The following SVOP variants were observed in gnomAD, a reference collection of about 807,000 sequenced individuals.
The protein encoded by SVOP is synaptic vesicle 2-related protein.
In SVOP, 17 loss-of-function variants were observed where a neutral mutation model predicts 69.1. That is an observed-to-expected ratio of 0.25 (90% confidence interval 0.17 to 0.37). The LOEUF is 0.37. Among genes scored for constraint, SVOP ranks in the 10% least tolerant of loss-of-function variants. The pLI, the probability that SVOP is intolerant of heterozygous loss-of-function variation, is 1.00. For missense variants in SVOP, 435 were observed against 597.5 expected (o/e 0.73, Z 2.84); for synonymous variants, 238 against 238.6 (o/e 1.00, Z 0.02).
intron 6 of SVOP, among the ~76,000 whole-genome samples, chr12:108,947,614 G>T (rs931962751): frequency 2.0e-5 from 3 of 152,048 alleles, no homozygotes; most frequent in African/African-American, 7.2e-5. Flanking sequence ...CAACTGCACT[G>T]GCTGCCTCTG....
Position 108,910,524 on chromosome 12 carries a change from G to C in SVOP, c.*2011C>G, listed in dbSNP as rs1178287817. On this transcript the variant is annotated 3_prime_UTR_variant, in exon 16 of 16. Coordinates refer to ENST00000610966, the MANE Select transcript of SVOP (RefSeq NM_018711.5). ...AATAATTAGAGCTACAGCCACACGT[G>C]GTTCAAGGAAATGTGGTTGTCAGAG... The C allele has an allele frequency of 1.3e-5, 2 of 152,214 alleles. No individual in the cohort carries two copies. Among genetic ancestry groups the C allele is most frequent in the Non-Finnish European group, 2.9e-5 (2 of 68,044 alleles). The allele number at this position is 152,214 out of a possible 1,614,324, so 9.4% of individuals were successfully genotyped here. A position where few individuals can be genotyped will look rare whatever the true frequency, so the allele number is the denominator to read the frequency against.
intron 1 of SVOP, among the ~76,000 whole-genome samples, chr12:108,998,389 A>C (rs2135618052): frequency 6.6e-6 from 1 of 152,268 alleles, no homozygotes; most frequent in Admixed American, 6.5e-5. Flanking sequence ...AACACTCTGC[A>C]GGATATTATC....
intron 10 of SVOP, 99 bp downstream of exon 10, chr12:108,937,165 C>A: frequency 8.0e-7 from 1 of 1,248,860 alleles, no homozygotes; most frequent in Non-Finnish European, 1.2e-6. Context: ...CAAACGCTGC[C>A]TGAAATCAAA....
intron 5 of SVOP, among the ~76,000 whole-genome samples, chr12:108,970,955 C>A (rs1415238891): frequency 1.3e-5 from 2 of 152,100 alleles, no homozygotes; most frequent in Admixed American, 6.6e-5. Context: ...AAGGTCAAGG[C>A]TGCAGTTAGC....
Position 108,960,906 on chromosome 12 carries a change from A to C in SVOP, c.578+17T>G. ...TGGGCAGCCTGGCTGCATAGCCAGC[A>C]CTGGGTATTTACTTACGACTGGGGA... is the stretch of plus-strand genomic sequence containing the variant. On this transcript the variant is annotated intron_variant, in intron 6 of 15. Transcript: ENST00000610966. The C allele has an allele frequency of 6.5e-7, 1 of 1,536,564 alleles. No individual in the cohort carries two copies. The highest frequency in any genetic ancestry group is 1.2e-5 in the South Asian group (1 of 83,990).
intron 6 of SVOP, among the ~76,000 whole-genome samples, chr12:108,951,088 T>C (rs554755532): frequency 8.5e-5 from 13 of 152,328 alleles, no homozygotes; most frequent in African/African-American, 2.6e-4. Flanking sequence ...GATCTCAGCC[T>C]GGCATTTTTG....
Position 108,919,780 on chromosome 12 carries a change from A to G in SVOP, c.1163T>C (p.Leu388Pro), listed in dbSNP as rs753233567. ...GCGGTCAATAATCCACAGAGTCACA[A>G]GGACACCTGGAAGGGGAGTGGGGAG... ...WTTLSEFPGVLVTLWIIDRLG... is the reference protein window; with the variant it reads ...WTTLSEFPGVPVTLWIIDRLG... The change falls in exon 13 of 16, where the codon CTT becomes CCT. Residue 388 changes from leucine (L) to proline (P), a missense_variant. Coordinates refer to ENST00000610966, the MANE Select transcript of SVOP (RefSeq NM_018711.5). The G allele has an allele frequency of 6.3e-7, 1 of 1,592,726 alleles. No individual in the cohort carries two copies. Among genetic ancestry groups the G allele is most frequent in the Non-Finnish European group, 8.6e-7 (1 of 1,169,526 alleles).
chr12:108,970,712 T>C (rs1357418215), intron 5 of SVOP, among the ~76,000 whole-genome samples: 2 of 152,186 alleles, frequency 1.3e-5, no homozygotes, highest in African/African-American at 4.8e-5. Context: ...GTGCCTAGCA[T>C]GTGCCTGGCA....
At chr12:108,989,340 G>C (rs2040185512) in intron 1 of SVOP, among the ~76,000 whole-genome samples, 1 of 152,188 alleles carries the variant, frequency 6.6e-6, no homozygotes, top group Non-Finnish European at 1.5e-5. Context: ...CTCCCGAAGT[G>C]CTGGGATTAG....
rs748936565 is a variant in SVOP at position 108,978,786 on chromosome 12, C to T, written c.197-123G>A. ...AACACAGCACATGCTGCTTTTAGAA[C>T]TTATCCTAGAAAAATATTCCAGTGT... is the stretch of plus-strand genomic sequence containing the variant. On this transcript the variant is annotated intron_variant, in intron 2 of 15. Transcript: ENST00000610966. 1.5e-5 allele frequency: 9 copies of T among 581,398 alleles called. No individual in the cohort carries two copies. In the East Asian group the frequency reaches 2.4e-4, roughly 15 times the overall value. The allele number at this position is 581,398 out of a possible 1,614,324, so 36.0% of individuals were successfully genotyped here. A position where few individuals can be genotyped will look rare whatever the true frequency, so the allele number is the denominator to read the frequency against.
intron 5 of SVOP, among the ~76,000 whole-genome samples, chr12:108,969,967 T>C (rs1314345402): frequency 2.0e-5 from 3 of 152,164 alleles, no homozygotes; most frequent in Non-Finnish European, 4.4e-5. Flanking sequence ...TCCAGCCCCA[T>C]CACCGGCCAA....
intron 12 of SVOP, among the ~76,000 whole-genome samples, chr12:108,921,260 G>A (rs2039746413): frequency 6.6e-6 from 1 of 152,026 alleles, no homozygotes; most frequent in African/African-American, 2.4e-5. Flanking sequence ...GGGTTTTAGA[G>A]GAAAGATAGA....
At chr12:108,925,028 A>G (rs796429548) in intron 11 of SVOP, among the ~76,000 whole-genome samples, 6 of 150,022 alleles carry the variant, frequency 4.0e-5, no homozygotes, top group African/African-American at 1.2e-4. Flanking sequence ...TTTTTTTTTT[A>G]CCAATTACAA....
chr12:108,997,423 A>G lies in SVOP; in HGVS notation c.36-13662T>C, dbSNP rs1256138621. Among the ~76,000 whole-genome samples, 188 of 151,908 alleles carry G rather than the reference A, an allele frequency of 1.2e-3. 3 individuals carry two copies. Among genetic ancestry groups the G allele is most frequent in the Middle Eastern group, 3.4e-3 (1 of 292 alleles). On this transcript the variant is annotated intron_variant, in intron 1 of 15. Coordinates refer to ENST00000610966, the MANE Select transcript of SVOP (RefSeq NM_018711.5). Reference sequence around the variant, plus strand: ...TTGCCCAGGCTTGCTTAGGTAAACAAAGCAGCCAGGAAGCTCGAACTGGGT... The same window carrying G: ...TTGCCCAGGCTTGCTTAGGTAAACAGAGCAGCCAGGAAGCTCGAACTGGGT...
At chr12:108,997,859 G>GA (rs1306653008) in intron 1 of SVOP, among the ~76,000 whole-genome samples, 1 of 150,450 alleles carries the variant, frequency 6.6e-6, no homozygotes, top group Non-Finnish European at 1.5e-5. Context: ...CAAAGATGGG[G>GA]AAAAAACAGA....
chr12:108,912,228 G>T lies in SVOP; in HGVS notation c.*307C>A. ...AGGGTTTGGCCGGGTGACTCTGGGT[G>T]GTGTCTGATTGGTTGCTGGCATTAC... On this transcript the variant is annotated 3_prime_UTR_variant, in exon 16 of 16. Coordinates refer to ENST00000610966, the MANE Select transcript of SVOP (RefSeq NM_018711.5). 1 of 1,251,842 alleles carries T rather than the reference G, an allele frequency of 8.0e-7. No homozygotes were observed. The highest frequency in any genetic ancestry group is 1.0e-6 in the Non-Finnish European group (1 of 992,306). The allele number at this position is 1,251,842 out of a possible 1,614,324, so 77.5% of individuals were successfully genotyped here.
intron 11 of SVOP, among the ~76,000 whole-genome samples, chr12:108,923,351 G>A (rs2039761629): frequency 6.6e-6 from 1 of 152,198 alleles, no homozygotes; most frequent in Non-Finnish European, 1.5e-5. Context: ...TGGCCTATGT[G>A]GTGGCAAGGA....
intron 1 of SVOP, among the ~76,000 whole-genome samples, chr12:109,008,643 T>C (rs1414083015): frequency 1.3e-5 from 2 of 152,158 alleles, no homozygotes; most frequent in Non-Finnish European, 1.5e-5. Flanking sequence ...GTAACTCTGC[T>C]AAGCACATTA....
chr12:109,007,836 G>A (rs185547352), intron 1 of SVOP, among the ~76,000 whole-genome samples: 247 of 152,184 alleles, frequency 1.6e-3, no homozygotes, highest in African/African-American at 5.8e-3. Context: ...CCAGGAGTTC[G>A]AGACCAACCT....
Sources: allele counts gnomAD v4.1 joint callset (sites outside exome capture counted in the v4.1 genomes callset), GRCh38; gene constraint gnomAD v4.1.1; transcripts MANE v1.5; gene names NCBI Gene and HGNC (gene_info 2026-07-23, HGNC 2026-07-21).